The following PFKL variants were observed in gnomAD, a reference collection of about 807,000 sequenced individuals.
PFKL encodes ATP-dependent 6-phosphofructokinase, liver type.
Under a neutral mutation model 92.1 loss-of-function variants are expected in PFKL, and 74 were observed. The ratio of observed to expected loss-of-function variants is 0.80; its 90% CI spans 0.67 to 0.97. The LOEUF (loss-of-function observed/expected upper bound fraction) is 0.97, where lower values mean the gene tolerates loss of function less well. Ranked by LOEUF, PFKL falls within the 50% of genes least tolerant of loss-of-function variation. The pLI is 0.00. For missense variants in PFKL, 1,028 were observed against 1,116.6 expected (o/e 0.92, Z 1.13); for synonymous variants, 494 against 456.4 (o/e 1.08, Z -1.05).
At chr21:44,301,862 C>G (rs996871445) in intron 1 of PFKL, among the ~76,000 whole-genome samples, 17 of 152,074 alleles carry the variant, frequency 1.1e-4, no homozygotes, top group Non-Finnish European at 2.1e-4. Context: ...TGGGGTGGCA[C>G]GTGCCCCCCC....
At chr21:44,322,741 TTGCCTGGCCGG>T (rs1273373434) in intron 14 of PFKL, among the ~76,000 whole-genome samples, 2 of 152,142 alleles carry the variant, frequency 1.3e-5, no homozygotes, top group African/African-American at 4.8e-5. Context: ...GTTCACTCGG[TTGCCTGGCCGG>T]TGCCTGGTGA....
intron 2 of PFKL, among the ~76,000 whole-genome samples, chr21:44,308,181 T>G (rs1039090915): frequency 6.6e-6 from 1 of 152,130 alleles, no homozygotes; most frequent in Non-Finnish European, 1.5e-5. Context: ...TCCTGAGGGC[T>G]GTGAGGGGCA....
intron 15 of PFKL, 55 bp from the exon 16 acceptor site, chr21:44,323,711 C>G (rs12482028): frequency 1.9e-6 from 3 of 1,557,074 alleles, no homozygotes; most frequent in South Asian, 2.3e-5. Flanking sequence ...AGCCTGTCCC[C>G]GGCCCACCCT....
In PFKL at chr21:44,321,837, G is replaced by A. The variant is rs771488955; in HGVS notation, c.1300G>A (p.Val434Met). ...CATCTCCCATGGACACACAGTATAC[G>A]TGGTGCACGATGGCTTCGAAGGCCT... ...TGISHGHTVY[V>M]VHDGFEGLAK... The change falls in exon 13 of 22, where the codon GTG becomes ATG. Residue 434 changes from valine (V) to methionine (M), a missense_variant. Coordinates refer to ENST00000349048, the MANE Select transcript of PFKL (RefSeq NM_002626.6). 13 of 1,584,722 alleles carry A rather than the reference G, an allele frequency of 8.2e-6. No homozygotes were observed. The highest frequency in any genetic ancestry group is 3.6e-5 in the Admixed American group (2 of 55,532).
intron 1 of PFKL, among the ~76,000 whole-genome samples, chr21:44,303,591 A>C (rs1307926928): frequency 6.6e-6 from 1 of 151,580 alleles, no homozygotes; most frequent in Non-Finnish European, 1.5e-5. Context: ...GTGTGTTTGG[A>C]CGTTGGTTTC....
rs765111624 is a variant in PFKL, at chr21:44,313,129, C to A, written c.579C>A (p.Thr193=). The change falls in exon 5 of 22, where the codon ACC becomes ACA. Residue 193 remains threonine, a synonymous_variant. Coordinates refer to ENST00000349048, the MANE Select transcript of PFKL (RefSeq NM_002626.6). Reference sequence around the variant, plus strand: ...TCATGGAGGTCATCGATGCCATCACCACCACTGCCCAGAGGTGAGTGAGGC... The same window carrying A: ...TCATGGAGGTCATCGATGCCATCACAACCACTGCCCAGAGGTGAGTGAGGC... The part of the protein sequence containing the change: ...HRIMEVIDAI[T]TTAQSHQRTF... 1 of 1,612,816 alleles carries A rather than the reference C, an allele frequency of 6.2e-7. No individual in the cohort carries two copies. Among genetic ancestry groups the A allele is most frequent in the Non-Finnish European group, 8.5e-7 (1 of 1,179,876 alleles).
intron 2 of PFKL, among the ~76,000 whole-genome samples, chr21:44,309,845 C>T (rs1476277917): frequency 6.6e-6 from 1 of 152,230 alleles, no homozygotes. Context: ...GGCACCTGTC[C>T]CCCAGCCCAG....
chr21:44,300,393 C>T (rs535631123), intron 1 of PFKL, among the ~76,000 whole-genome samples: 1 of 152,004 alleles, frequency 6.6e-6, no homozygotes, highest in East Asian at 1.9e-4. Flanking sequence ...CGGCCGGCCA[C>T]GTTCTCGGCC....
Position 44,321,794 on chromosome 21 carries a change from C to T in PFKL, c.1257C>T (p.Arg419=), listed in dbSNP as rs775075008. 3.7e-6 allele frequency: 6 copies of T among 1,602,564 alleles called. No individual in the cohort carries two copies. The Admixed American group carries it at 8.6e-5, about 23-fold the overall frequency. ...CGGCTGGCATGAATGCGGCCGTGCGCTCGGCGGTGCGGACCGGCATCTCCC... is the reference window on the plus strand; with the variant it reads ...CGGCTGGCATGAATGCGGCCGTGCGTTCGGCGGTGCGGACCGGCATCTCCC... ...APAAGMNAAV[R]SAVRTGISHG... The change falls in exon 13 of 22, where the codon CGC becomes CGT. Residue 419 remains arginine, a synonymous_variant. Transcript: ENST00000349048.
intron 9 of PFKL, among the ~76,000 whole-genome samples, chr21:44,317,698 G>A (rs1042244423): frequency 6.6e-6 from 1 of 152,342 alleles, no homozygotes; most frequent in East Asian, 1.9e-4. Flanking sequence ...TGGGTGCTGC[G>A]AAGGGGCCAG....
In PFKL at chr21:44,316,277, A is replaced by G. The variant is rs979825240; in HGVS notation, c.781A>G (p.Ile261Val). Residue 261 changes from isoleucine (I) to valine (V), a missense_variant, in exon 8 of 22, where the codon ATC becomes GTC. Ile to Val is a conservative substitution (Grantham distance 29). Coordinates refer to ENST00000349048, the MANE Select transcript of PFKL (RefSeq NM_002626.6). ...RSRGSRLNIIIIAEGAIDRNG... is the reference protein window; with the variant it reads ...RSRGSRLNIIVIAEGAIDRNG... ...CCGTGGGTCCCGACTGAACATCATC[A>G]TCATCGCTGAGGGTGCCATTGACCG... is the stretch of plus-strand genomic sequence containing the variant. 1.9e-6 allele frequency: 3 copies of G among 1,613,170 alleles called. No homozygotes were observed. Among genetic ancestry groups the G allele is most frequent in the Non-Finnish European group, 2.5e-6 (3 of 1,179,964 alleles).
intron 7 of PFKL, chr21:44,315,638 A>G (rs1310149221): frequency 1.9e-5 from 3 of 154,204 alleles, no homozygotes; most frequent in African/African-American, 4.8e-5. Flanking sequence ...CAGTTCCCAG[A>G]GAGCTGGGCC....
intron 2 of PFKL, 42 bp from the exon 3 acceptor site, chr21:44,310,964 A>G (rs1004941710): frequency 6.6e-7 from 1 of 1,512,430 alleles, no homozygotes; most frequent in Admixed American, 1.7e-5. Context: ...GCCGGCCGCC[A>G]TGGGGTCCCC....
Position 44,314,038 on chromosome 21 carries a change from C to G in PFKL, c.747+17C>G. The G allele has an allele frequency of 1.3e-6, 2 of 1,557,822 alleles. No homozygotes were observed. The highest frequency in any genetic ancestry group is 1.8e-6 in the Non-Finnish European group (2 of 1,140,912). On this transcript the variant is annotated intron_variant, in intron 7 of 21. Coordinates refer to ENST00000349048, the MANE Select transcript of PFKL (RefSeq NM_002626.6). ...CTGGGTGAGGTGGGTGCCGTCCAGC[C>G]TGCTGGGGGCCGCAGGTGTCCTGGT... is the stretch of plus-strand genomic sequence containing the variant.
intron 1 of PFKL, among the ~76,000 whole-genome samples, chr21:44,303,656 GCCT>G (rs1300549649): frequency 6.6e-6 from 1 of 152,046 alleles, no homozygotes; most frequent in East Asian, 1.9e-4. Context: ...CCCTGACATG[GCCT>G]CCTGTTTGGA....
At chr21:44,322,428 G>A (rs368559052) in intron 14 of PFKL, among the ~76,000 whole-genome samples, 21 of 152,346 alleles carry the variant, frequency 1.4e-4, no homozygotes, top group African/African-American at 4.8e-4. Context: ...CCCATGGTGG[G>A]CTCTCCGTGG....
intron 2 of PFKL, among the ~76,000 whole-genome samples, chr21:44,310,672 T>C (rs1309575572): frequency 6.6e-6 from 1 of 152,138 alleles, no homozygotes; most frequent in Non-Finnish European, 1.5e-5. Context: ...CCTCAGGAGC[T>C]GGATGGCGGG....
At chr21:44,306,626 GTCCA>G in intron 1 of PFKL, 51 bp from the exon 2 acceptor site, 3 of 1,487,516 alleles carry the variant, frequency 2.0e-6, no homozygotes, top group South Asian at 1.2e-5. Context: ...TGGGGAGGGT[GTCCA>G]GGGCCTTGCT....
rs1471384899 is a variant in PFKL, at chr21:44,308,402, G to C, written c.159+1648G>C. ...GAAGACTTCCCCTCCGTCCCATGAAGGTTCTTGGAAGAATCCACTTGCGAA... is the reference window on the plus strand; with the variant it reads ...GAAGACTTCCCCTCCGTCCCATGAACGTTCTTGGAAGAATCCACTTGCGAA... On this transcript the variant is annotated intron_variant, in intron 2 of 21. Coordinates refer to ENST00000349048, the MANE Select transcript of PFKL (RefSeq NM_002626.6). Among the ~76,000 whole-genome samples the C allele has an allele frequency of 3.3e-5, 5 of 152,140 alleles. No homozygotes were observed. The South Asian group carries it at 1.0e-3, about 32-fold the overall frequency.
Sources: allele counts gnomAD v4.1 joint callset (sites outside exome capture counted in the v4.1 genomes callset), GRCh38; gene constraint gnomAD v4.1.1; transcripts MANE v1.5; gene names NCBI Gene and HGNC (gene_info 2026-07-23, HGNC 2026-07-21).